The following ITGA10 variants were observed in gnomAD, a reference collection of about 807,000 sequenced individuals.
ITGA10 encodes the protein integrin subunit alpha 10, also known as integrin alpha-10.
A neutral mutation model predicts 145.2 loss-of-function variants in ITGA10; 105 were observed. The observed-to-expected ratio is 0.72, with a 90% CI of 0.62 to 0.85. The LOEUF (loss-of-function observed/expected upper bound fraction) is 0.85. Among genes scored for constraint, ITGA10 ranks in the 40% least tolerant of loss-of-function variants. The pLI is 0.00. For synonymous variants in ITGA10, 506 were observed against 557.8 expected (o/e 0.91, Z 1.31); for missense variants, 1,317 against 1,444.5 (o/e 0.91, Z 1.43).
In ITGA10 at chr1:145,897,673, G is replaced by A. The variant is rs377023184; in HGVS notation, c.2433-20C>T. On this transcript the variant is annotated intron_variant, in intron 19 of 29. Coordinates refer to ENST00000369304, the MANE Select transcript of ITGA10 (RefSeq NM_003637.5). Reference sequence around the variant, plus strand: ...GCCTTCCTGGGAATGATGAATGAGGGAGAGACCAGGAGTTGAAGGAGGGGA... The same window carrying A: ...GCCTTCCTGGGAATGATGAATGAGGAAGAGACCAGGAGTTGAAGGAGGGGA... 9 of 1,613,892 alleles carry A rather than the reference G, an allele frequency of 5.6e-6. No individual in the cohort carries two copies. Among genetic ancestry groups the A allele is most frequent in the Non-Finnish European group, 7.6e-6 (9 of 1,179,956 alleles).
chr1:145,897,219 C>T (rs781799508), intron 21 of ITGA10, 28 bp downstream of exon 21: 2 of 1,608,696 alleles, frequency 1.2e-6, no homozygotes, highest in Non-Finnish European at 1.7e-6. Flanking sequence ...CTCCTAGAGC[C>T]CTCTTTTCAT....
chr1:145,901,513 T>C lies in ITGA10; in HGVS notation c.1443+3A>G, dbSNP rs782085531. 14 of 1,558,870 alleles carry C rather than the reference T, an allele frequency of 9.0e-6. No individual in the cohort carries two copies. The highest frequency in any genetic ancestry group is 1.2e-5 in the Non-Finnish European group (14 of 1,155,884). On this transcript the variant is annotated splice_donor_region_variant and intron_variant, in intron 12 of 29. Transcript: ENST00000369304. This position sits in a 1 kb window ranked among gnomAD's most constrained non-coding sequence, Gnocchi z 4.3. ...AGGTCCCACCCTTCCTTGGATGCCC[T>C]ACCTGCTCCCCCTGGAGGCTCTGGG...
Position 145,902,236 on chromosome 1 carries a change from T to C in ITGA10, c.1149+10A>G. 1.2e-6 allele frequency: 2 copies of C among 1,613,798 alleles called. No individual in the cohort carries two copies. The highest frequency in any genetic ancestry group is 1.7e-6 in the Non-Finnish European group (2 of 1,179,708). On this transcript the variant is annotated intron_variant, in intron 10 of 29. Transcript: ENST00000369304. ...ATGGGAGAAGTAATGAAGGGGTCAA[T>C]CTGTCCAACCTTTAGCCGATGAGTG... is the stretch of plus-strand genomic sequence containing the variant.
Position 145,901,079 on chromosome 1 carries a change from T to C in ITGA10, c.1587+56A>G. ...TCAAATATGTGCACCTTCCCTCCTT[T>C]CCTCCCTCCACCCCCACAATGCAAG... On this transcript the variant is annotated intron_variant, in intron 13 of 29. Coordinates refer to ENST00000369304, the MANE Select transcript of ITGA10 (RefSeq NM_003637.5). This position sits in a 1 kb window ranked among gnomAD's most constrained non-coding sequence, Gnocchi z 4.3. The C allele has an allele frequency of 6.2e-7, 1 of 1,612,628 alleles. No homozygotes were observed.
At position 145,891,387 on chromosome 1, in the gene ITGA10, C is replaced by A. The variant is rs1375699607; in HGVS notation, c.*1411G>T. The A allele has an allele frequency of 6.6e-6, 1 of 152,668 alleles. No individual in the cohort carries two copies. Among genetic ancestry groups the A allele is most frequent in the Non-Finnish European group, 1.5e-5 (1 of 68,060 alleles). The allele number at this position is 152,668 out of a possible 1,614,324, so 9.5% of individuals were successfully genotyped here. On this transcript the variant is annotated 3_prime_UTR_variant, in exon 30 of 30. Transcript: ENST00000369304. ...GACAGGTTCTGTGACTGCTAGTCAA[C>A]CACCCAATCAGGTCTTCTCTCTTCT... is the stretch of plus-strand genomic sequence containing the variant.
At chr1:145,899,413 G>C (rs1655914881) in intron 15 of ITGA10, 72 bp from the exon 16 acceptor site, 1 of 1,528,522 alleles carries the variant, frequency 6.5e-7, no homozygotes, top group Non-Finnish European at 8.9e-7. Context: ...CCCAGTGTTT[G>C]CTTCCCCATG....
intron 28 of ITGA10, 88 bp from the exon 29 acceptor site, chr1:145,893,362 G>T: frequency 9.5e-7 from 1 of 1,055,756 alleles, no homozygotes; most frequent in Admixed American, 1.8e-5. Context: ...CCCCCAAATA[G>T]AATAAATAAC....
In ITGA10 at chr1:145,895,646, T is replaced by C; in HGVS notation, c.3099A>G (p.Gln1033=). ...TGACTCATACCAGTCTGTTTGTGTGTTGAAGCTCCTCTGGATGCACAGGTG... is the reference window on the plus strand; with the variant it reads ...TGACTCATACCAGTCTGTTTGTGTGCTGAAGCTCCTCTGGATGCACAGGTG... ...PGPPVHPEEL[Q]HTNRLNGSNT... The change falls in exon 26 of 30, where the codon CAA becomes CAG. Residue 1033 remains glutamine (Q), a synonymous_variant. Coordinates refer to ENST00000369304, the MANE Select transcript of ITGA10 (RefSeq NM_003637.5). 3.1e-6 allele frequency: 5 copies of C among 1,614,218 alleles called. No homozygotes were observed. Among genetic ancestry groups the C allele is most frequent in the Non-Finnish European group, 4.2e-6 (5 of 1,180,022 alleles).
At position 145,900,813 on chromosome 1, in the gene ITGA10, C is replaced by T; in HGVS notation, c.1768G>A (p.Gly590Arg). Reference sequence around the variant, plus strand: ...ACCTGGGCAGGATGGGGCCTGACTCCACTCTGGGTTCCATGGTACAGGTAC... The same window carrying T: ...ACCTGGGCAGGATGGGGCCTGACTCTACTCTGGGTTCCATGGTACAGGTAC... ...ALYLYHGTQS[G>R]VRPHPAQRIA... is the part of the protein sequence containing the mutation. The change falls in exon 14 of 30, where the codon GGA becomes AGA. Residue 590 changes from glycine to arginine, a missense_variant. Coordinates refer to ENST00000369304, the MANE Select transcript of ITGA10 (RefSeq NM_003637.5). 6.2e-7 allele frequency: 1 copy of T among 1,614,154 alleles called. No individual in the cohort carries two copies. Among genetic ancestry groups the T allele is most frequent in the Non-Finnish European group, 8.5e-7 (1 of 1,180,032 alleles).
At chr1:145,909,879 G>T (rs1657660861) in intron 1 of ITGA10, 84 bp downstream of exon 1, 1 of 1,222,882 alleles carries the variant, frequency 8.2e-7, no homozygotes, top group Non-Finnish European at 1.2e-6. Flanking sequence ...AAATCCCAAA[G>T]AATTTTAACT....
intron 23 of ITGA10, 105 bp from the exon 24 acceptor site, chr1:145,896,457 C>T: frequency 1.2e-6 from 1 of 867,592 alleles, no homozygotes; most frequent in South Asian, 1.4e-5. Flanking sequence ...AGGGCCAGCA[C>T]ATGGATAAAG....
Position 145,893,602 on chromosome 1 carries a change from A to T in ITGA10, c.3262T>A (p.Phe1088Ile), listed in dbSNP as rs782435468. Residue 1088 changes from phenylalanine (F) to isoleucine (I), a missense_variant, in exon 28 of 30, where the codon TTT becomes ATT. Physicochemically the swap from Phe to Ile is conservative, Grantham distance 21. Coordinates refer to ENST00000369304, the MANE Select transcript of ITGA10 (RefSeq NM_003637.5). ...KFKSLTVVST[F>I]ELGTEEGSVL... Reference sequence around the variant, plus strand: ...CTGCCCTCTTCGGTTCCCAGCTCAAAGGTGCTGACCACCGTCAGGGACTTG... The same window carrying T: ...CTGCCCTCTTCGGTTCCCAGCTCAATGGTGCTGACCACCGTCAGGGACTTG... 6.2e-7 allele frequency: 1 copy of T among 1,613,468 alleles called. No homozygotes were observed. The highest frequency in any genetic ancestry group is 8.5e-7 in the Non-Finnish European group (1 of 1,179,772).
Position 145,898,110 on chromosome 1 carries a change from C to T in ITGA10, c.2346G>A (p.Leu782=). ...AGGGGCAGGGCATGGCACTGCTGAC[C>T]AGCTTTTGTATAGAGGTGGGTGAGC... The part of the protein sequence containing the change: ...NEGSPTSIQK[L]VPFSKDCGPD... The change falls in exon 18 of 30, where the codon CTG becomes CTA. Residue 782 remains leucine, a splice_region_variant and synonymous_variant. Transcript: ENST00000369304. The T allele has an allele frequency of 6.2e-7, 1 of 1,610,298 alleles. No individual in the cohort carries two copies. The highest frequency in any genetic ancestry group is 8.5e-7 in the Non-Finnish European group (1 of 1,176,578).
chr1:145,896,501 C>G lies in ITGA10; in HGVS notation c.2835-149G>C. 4.2e-6 allele frequency: 3 copies of G among 717,958 alleles called. No homozygotes were observed. The South Asian group carries it at 4.8e-5, about 11-fold the overall frequency. 44.5% of individuals were successfully genotyped at this position (717,958 alleles called of 1,614,324 possible). On this transcript the variant is annotated intron_variant, in intron 23 of 29. Coordinates refer to ENST00000369304, the MANE Select transcript of ITGA10 (RefSeq NM_003637.5). ...GTACATGGAGAAGACAGAAGTAGAA[C>G]ATGACACAGACAATGCAAGCTTTAT...
intron 1 of ITGA10, among the ~76,000 whole-genome samples, chr1:145,909,588 C>T (rs61490844): frequency 8.8e-4 from 94 of 106,830 alleles, no homozygotes; most frequent in African/African-American, 4.9e-3. Flanking sequence ...AATTATGTTA[C>T]ATATTATATG....
rs1570867042 is a variant in ITGA10 at position 145,899,056 on chromosome 1, C to T, written c.2112G>A (p.Leu704=). The change falls in exon 17 of 30, where the codon CTG becomes CTA. Residue 704 remains leucine (L), a synonymous_variant. Transcript: ENST00000369304. ...HQFYMRFTAS[L]DEWTAGARAA... ...CACGTGCCCCAGCAGTCCATTCATCCAGTGATGCGGTGAACCTCATGTCTG... is the reference window on the plus strand; with the variant it reads ...CACGTGCCCCAGCAGTCCATTCATCTAGTGATGCGGTGAACCTCATGTCTG... The T allele has an allele frequency of 1.9e-6, 3 of 1,614,228 alleles. No homozygotes were observed. The East Asian group carries it at 6.7e-5, about 36-fold the overall frequency.
chr1:145,896,782 G>A lies in ITGA10; in HGVS notation c.2821C>T (p.Leu941Phe), dbSNP rs1655470950. 2 of 1,613,584 alleles carry A rather than the reference G, an allele frequency of 1.2e-6. No individual in the cohort carries two copies. The highest frequency in any genetic ancestry group is 1.3e-5 in the African/African-American group (1 of 74,890). The change falls in exon 23 of 30, where the codon CTC (leucine) becomes TTC (phenylalanine). Residue 941 changes from leucine to phenylalanine, a missense_variant. Physicochemically the swap from Leu to Phe is conservative, Grantham distance 22. Coordinates refer to ENST00000369304, the MANE Select transcript of ITGA10 (RefSeq NM_003637.5). ...TSAYIQYEPH[L>F]LFSSESTLHR... ...AGCTGGGCATACCTAGAGAACAGGA[G>A]GTGGGGCTCATATTGGATGTAGGCT...
chr1:145,908,089 C>G (rs587731049), intron 1 of ITGA10, among the ~76,000 whole-genome samples: 24 of 152,202 alleles, frequency 1.6e-4, no homozygotes, highest in African/African-American at 5.3e-4. Context: ...CACAACATTC[C>G]TTCCACACAC....
rs200742739 is a variant in ITGA10, at chr1:145,897,945, G to A, written c.2347-45C>T. ...CTAAGGGTTGAGAGGAAAGCAAGGA[G>A]GAAAGGAATAGAATAGGGGGAAAGT... On this transcript the variant is annotated intron_variant, in intron 18 of 29. Coordinates refer to ENST00000369304, the MANE Select transcript of ITGA10 (RefSeq NM_003637.5). 9 of 1,519,520 alleles carry A rather than the reference G, an allele frequency of 5.9e-6. No homozygotes were observed. The East Asian group carries it at 1.6e-4, about 27-fold the overall frequency. The allele number at this position is 1,519,520 out of a possible 1,614,324, so 94.1% of individuals were successfully genotyped here.
Sources: allele counts gnomAD v4.1 joint callset (sites outside exome capture counted in the v4.1 genomes callset), GRCh38; gene constraint gnomAD v4.1.1; non-coding constraint Gnocchi (gnomAD v3.1); transcripts MANE v1.5; gene names NCBI Gene and HGNC (gene_info 2026-07-23, HGNC 2026-07-21).